TMEM131: variants seen among roughly 807,000 people sequenced by gnomAD.
TMEM131 encodes the protein transmembrane protein 131.
A neutral mutation model predicts 211.6 loss-of-function variants in TMEM131; 66 were observed. The observed-to-expected ratio is 0.31, with a 90% CI of 0.26 to 0.38. The LOEUF (loss-of-function observed/expected upper bound fraction) is 0.38. Among genes scored for constraint, TMEM131 ranks in the 10% least tolerant of loss-of-function variants. The pLI is 1.00. For missense variants in TMEM131, 2,036 were observed against 2,299.3 expected (o/e 0.89, Z 2.34); for synonymous variants, 844 against 841.3 (o/e 1.00, Z -0.06).
intron 1 of TMEM131, among the ~76,000 whole-genome samples, chr2:97,932,520 C>T (rs981236761): frequency 6.6e-6 from 1 of 152,148 alleles, no homozygotes; most frequent in African/African-American, 2.4e-5. Flanking sequence ...CTATGTAATT[C>T]AGATGTGCAG....
At chr2:97,914,260 A>G (rs1221033582) in intron 2 of TMEM131, among the ~76,000 whole-genome samples, 1 of 152,220 alleles carries the variant, frequency 6.6e-6, no homozygotes, top group Admixed American at 6.5e-5. Flanking sequence ...GTTGCAAGAA[A>G]TAGTAAAAAG....
intron 4 of TMEM131, among the ~76,000 whole-genome samples, chr2:97,884,040 T>G (rs1426166044): frequency 6.6e-6 from 1 of 151,120 alleles, no homozygotes; most frequent in Non-Finnish European, 1.5e-5. Context: ...TTTCTAGTTT[T>G]TTGATGTAGG....
chr2:97,995,561 G>GC lies in TMEM131; in HGVS notation c.101dup (p.Arg36AlafsTer42). Reference sequence around the variant, plus strand: ...GGAGGCCGGCGGCCGCGCTCCGCGGGCCCCCGCTACGGGCGGCCGCAGGTT... The same window carrying GC: ...GGAGGCCGGCGGCCGCGCTCCGCGGGCCCCCCGCTACGGGCGGCCGCAGGTT... On this transcript the variant is annotated frameshift_variant, in exon 1 of 41. Transcript: ENST00000186436. LOFTEE classifies it high-confidence loss of function. The GC allele has an allele frequency of 1.5e-6, 2 of 1,317,754 alleles. No individual in the cohort carries two copies. The highest frequency in any genetic ancestry group is 9.7e-7 in the Non-Finnish European group (1 of 1,032,126). 81.6% of individuals were successfully genotyped at this position (1,317,754 alleles called of 1,614,324 possible). A position where few individuals can be genotyped will look rare whatever the true frequency, so the allele number is the denominator to read the frequency against.
chr2:97,805,400 C>T lies in TMEM131; in HGVS notation c.2260G>A (p.Val754Ile). The T allele has an allele frequency of 6.2e-7, 1 of 1,613,878 alleles. No individual in the cohort carries two copies. The highest frequency in any genetic ancestry group is 8.5e-7 in the Non-Finnish European group (1 of 1,179,810). ...CATTTGGATAGAAAAGGCAAGCCAA[C>T]ATAGCAATGATCCCCACACTGTAGT... ...PGLQCGDHCY[V>I]GLPFLSKSEP... Residue 754 changes from valine to isoleucine, a missense_variant, in exon 21 of 41, where the codon GTT (valine) becomes ATT (isoleucine). By Grantham distance (29) the Val-to-Ile change is conservative. Transcript: ENST00000186436.
intron 33 of TMEM131, among the ~76,000 whole-genome samples, chr2:97,771,216 T>C (rs551043378): frequency 6.6e-6 from 1 of 152,292 alleles, no homozygotes; most frequent in South Asian, 2.1e-4. Flanking sequence ...AAAGAGTAAA[T>C]TTTAGGTACA....
chr2:97,965,360 G>A (rs1431933472), intron 1 of TMEM131, among the ~76,000 whole-genome samples: 2 of 152,194 alleles, frequency 1.3e-5, no homozygotes, highest in Admixed American at 1.3e-4. Flanking sequence ...ATTGGGTGGA[G>A]GCTGAGAGTT....
chr2:97,906,632 T>C (rs904687258), intron 3 of TMEM131, among the ~76,000 whole-genome samples: 1 of 152,168 alleles, frequency 6.6e-6, no homozygotes, highest in Non-Finnish European at 1.5e-5. Context: ...AACTAGCCCA[T>C]GTGAAGGCCA....
At chr2:97,822,447 G>A (rs1232616989) in intron 11 of TMEM131, among the ~76,000 whole-genome samples, 1 of 152,124 alleles carries the variant, frequency 6.6e-6, no homozygotes, top group Non-Finnish European at 1.5e-5. Context: ...TCAGGGTACG[G>A]CCCTCCACTT....
intron 1 of TMEM131, among the ~76,000 whole-genome samples, chr2:97,952,397 A>G (rs1678366265): frequency 1.3e-5 from 2 of 152,222 alleles, no homozygotes. Context: ...AAAGAAATTC[A>G]TATCAAGACA....
intron 1 of TMEM131, among the ~76,000 whole-genome samples, chr2:97,970,164 C>T (rs1679236199): frequency 1.3e-5 from 2 of 152,122 alleles, no homozygotes; most frequent in South Asian, 4.1e-4. Context: ...GATACTGAAA[C>T]GGAATGCAAA....
chr2:97,770,652 G>A (rs146632967), intron 33 of TMEM131, among the ~76,000 whole-genome samples: 12 of 152,254 alleles, frequency 7.9e-5, no homozygotes, highest in African/African-American at 2.9e-4. Context: ...AGAATACAAT[G>A]TAAGTCAGTG....
chr2:97,893,561 CTGACT>C, intron 3 of TMEM131, among the ~76,000 whole-genome samples: 1 of 152,304 alleles, frequency 6.6e-6, no homozygotes, highest in Non-Finnish European at 1.5e-5. Context: ...CTGTCATTTC[CTGACT>C]TTTTAATGAT....
At chr2:97,936,230 C>A (rs770170677) in intron 1 of TMEM131, among the ~76,000 whole-genome samples, 4 of 152,142 alleles carry the variant, frequency 2.6e-5, no homozygotes, top group Non-Finnish European at 4.4e-5. Context: ...AATAAGCAGA[C>A]CCAAAAGTTT....
intron 5 of TMEM131, among the ~76,000 whole-genome samples, chr2:97,849,714 TC>T: frequency 8.1e-6 from 1 of 123,508 alleles, no homozygotes; most frequent in Non-Finnish European, 1.7e-5. Context: ...TATCTCTCTC[TC>T]TCTTTTTTTT....
intron 2 of TMEM131, among the ~76,000 whole-genome samples, chr2:97,916,860 A>G (rs1309937544): frequency 6.6e-6 from 1 of 152,204 alleles, no homozygotes; most frequent in Non-Finnish European, 1.5e-5. Context: ...AATGAATACC[A>G]TCTCATGTAT....
intron 4 of TMEM131, among the ~76,000 whole-genome samples, chr2:97,870,797 C>T (rs1674459383): frequency 6.6e-6 from 1 of 152,194 alleles, no homozygotes; most frequent in Admixed American, 6.5e-5. Flanking sequence ...ATATGCAGTA[C>T]TTTGTACCAC....
At chr2:97,953,628 A>G (rs936547342) in intron 1 of TMEM131, among the ~76,000 whole-genome samples, 2 of 152,220 alleles carry the variant, frequency 1.3e-5, no homozygotes, top group Admixed American at 6.5e-5. Flanking sequence ...TAGCAAAGAC[A>G]GAAAAGAACT....
At chr2:97,827,553 A>G in intron 11 of TMEM131, 2 of 945,234 alleles carry the variant, frequency 2.1e-6, no homozygotes. Context: ...CTGATTAATA[A>G]CCATATACCA....
intron 1 of TMEM131, among the ~76,000 whole-genome samples, chr2:97,987,385 C>A (rs879268585): frequency 1.3e-5 from 2 of 152,090 alleles, no homozygotes; most frequent in Non-Finnish European, 2.9e-5. Context: ...CACCTGTAGT[C>A]CCAGCTACTC....
Sources: gnomAD v4.1 joint callset for allele counts (sites outside exome capture counted in the v4.1 genomes callset) on GRCh38, gnomAD v4.1.1 for gene constraint, MANE v1.5 for transcripts, NCBI Gene and HGNC (gene_info 2026-07-23, HGNC 2026-07-21) for gene names.